The following MVB12B variants were observed in gnomAD, a reference collection of about 807,000 sequenced individuals.
MVB12B encodes the protein ESCRT-I complex subunit MVB12B.
A neutral mutation model predicts 41.6 loss-of-function variants in MVB12B; 16 were observed. The observed-to-expected ratio is 0.38, with a 90% CI of 0.26 to 0.58. The LOEUF (loss-of-function observed/expected upper bound fraction) is 0.58. Ranked by LOEUF, MVB12B falls within the 20% of genes least tolerant of loss-of-function variation. The probability of loss-of-function intolerance (pLI) is 0.62; values close to 1 mark genes in which losing one functional copy is unlikely to be tolerated. For missense variants in MVB12B, 274 were observed against 380.2 expected (o/e 0.72, Z 2.32); for synonymous variants, 133 against 139.7 (o/e 0.95, Z 0.34).
chr9:126,410,888 CTTTTT>C (rs770993852), intron 6 of MVB12B, among the ~76,000 whole-genome samples: 1 of 133,792 alleles, frequency 7.5e-6, no homozygotes, highest in Admixed American at 7.7e-5. Flanking sequence ...TTGGTTATTT[CTTTTT>C]TTTTTTTTTT....
At chr9:126,343,187 A>G (rs1260642606) in intron 2 of MVB12B, among the ~76,000 whole-genome samples, 2 of 152,158 alleles carry the variant, frequency 1.3e-5, no homozygotes, top group African/African-American at 4.8e-5. Context: ...ATTATTTGCT[A>G]AACTTCTCAA....
intron 9 of MVB12B, among the ~76,000 whole-genome samples, chr9:126,493,071 G>A (rs191986242): frequency 1.3e-5 from 2 of 152,214 alleles, no homozygotes; most frequent in South Asian, 2.1e-4. Flanking sequence ...TTTTCAGCTT[G>A]TAAATGATGT....
chr9:126,465,562 A>G (rs2119182462), intron 7 of MVB12B, among the ~76,000 whole-genome samples: 1 of 151,436 alleles, frequency 6.6e-6, no homozygotes, highest in East Asian at 2.0e-4. Context: ...TTACTTATTC[A>G]ATAGGTTTCT....
At position 126,376,727 on chromosome 9, in the gene MVB12B, C is replaced by A; in HGVS notation, c.205-4337C>A. 8.0e-7 allele frequency: 1 copy of A among 1,246,332 alleles called. No homozygotes were observed. Among genetic ancestry groups the A allele is most frequent in the Non-Finnish European group, 1.0e-6 (1 of 963,910 alleles). The allele number at this position is 1,246,332 out of a possible 1,614,324, so 77.2% of individuals were successfully genotyped here. On this transcript the variant is annotated intron_variant, in intron 2 of 9. Transcript: ENST00000361171. This position sits in a 1 kb window ranked among gnomAD's most constrained non-coding sequence, Gnocchi z 4.1. ...TTCCACTCTGAAGTTGCACCTCCTC[C>A]CCCACCTCCTCCTGACCTCCAGCCT...
Position 126,480,760 on chromosome 9 carries a change from C to T in MVB12B, c.758-609C>T, listed in dbSNP as rs574556150. 2.6e-5 allele frequency: 4 copies of T among 152,734 alleles called. No homozygotes were observed. Among genetic ancestry groups the T allele is most frequent in the Admixed American group, 2.0e-4 (3 of 15,336 alleles). The allele number at this position is 152,734 out of a possible 1,614,324, so 9.5% of individuals were successfully genotyped here. A position where few individuals can be genotyped will look rare whatever the true frequency, so the allele number is the denominator to read the frequency against. On this transcript the variant is annotated intron_variant, in intron 7 of 9. Coordinates refer to ENST00000361171, the MANE Select transcript of MVB12B (RefSeq NM_033446.3). This position sits in a 1 kb window ranked among gnomAD's most constrained non-coding sequence, Gnocchi z 4.9. ...GCGCTGGCCAGGTGCCCCACACACTCCACTTCTGATGCACAGGCACCCTGT... is the reference window on the plus strand; with the variant it reads ...GCGCTGGCCAGGTGCCCCACACACTTCACTTCTGATGCACAGGCACCCTGT...
At chr9:126,373,353 T>G (rs1024817508) in intron 2 of MVB12B, among the ~76,000 whole-genome samples, 2 of 152,248 alleles carry the variant, frequency 1.3e-5, no homozygotes, top group African/African-American at 4.8e-5. Context: ...CACGCTGCTC[T>G]TATTGAGTTT....
intron 2 of MVB12B, among the ~76,000 whole-genome samples, chr9:126,356,309 A>G (rs1014146551): frequency 6.6e-6 from 1 of 152,152 alleles, no homozygotes; most frequent in Non-Finnish European, 1.5e-5. Flanking sequence ...GAGTTTTCCT[A>G]TCTGGGAGCA....
intron 7 of MVB12B, among the ~76,000 whole-genome samples, chr9:126,466,870 C>T (rs999577923): frequency 1.3e-5 from 2 of 152,086 alleles, no homozygotes; most frequent in African/African-American, 4.8e-5. Flanking sequence ...CTCTATCGCC[C>T]AGGCTGGAGT....
intron 7 of MVB12B, among the ~76,000 whole-genome samples, chr9:126,461,471 T>C (rs1833088034): frequency 2.0e-5 from 3 of 152,214 alleles, no homozygotes; most frequent in Non-Finnish European, 2.9e-5. Flanking sequence ...CTCGCCTATC[T>C]CAAGGCTTGA....
chr9:126,400,989 C>G (rs1005384579), intron 6 of MVB12B, among the ~76,000 whole-genome samples: 1 of 152,156 alleles, frequency 6.6e-6, no homozygotes, highest in African/African-American at 2.4e-5. Flanking sequence ...TGCGGGGGCT[C>G]TCCTAGAAAA....
intron 6 of MVB12B, among the ~76,000 whole-genome samples, chr9:126,399,395 A>C (rs1378289898): frequency 6.6e-6 from 1 of 152,218 alleles, no homozygotes; most frequent in East Asian, 1.9e-4. Context: ...ACGGAGGCAC[A>C]GTCCCATCTC....
At position 126,395,894 on chromosome 9, in the gene MVB12B, A is replaced by G; in HGVS notation, c.662+197A>G. The stretch of plus-strand genomic sequence containing the variant: ...ATTACATGAATGCAAAGGCCATTCT[A>G]TAGTCTATTTTGTGCGTGTTCTGCA... On this transcript the variant is annotated intron_variant, in intron 6 of 9. Transcript: ENST00000361171. The surrounding 1 kb of genome is among the most constrained non-coding windows in gnomAD (Gnocchi z 4.9). 5.0e-6 allele frequency: 7 copies of G among 1,403,374 alleles called. No homozygotes were observed. Among genetic ancestry groups the G allele is most frequent in the South Asian group, 1.6e-5 (1 of 62,294 alleles). The allele number at this position is 1,403,374 out of a possible 1,614,324, so 86.9% of individuals were successfully genotyped here. A position where few individuals can be genotyped will look rare whatever the true frequency, so the allele number is the denominator to read the frequency against.
intron 2 of MVB12B, among the ~76,000 whole-genome samples, chr9:126,378,643 T>G (rs1830552522): frequency 6.6e-6 from 1 of 152,048 alleles, no homozygotes; most frequent in Non-Finnish European, 1.5e-5. Flanking sequence ...TCTCTCTCTC[T>G]CTCTCTCTCT....
rs1293358607 is a variant in MVB12B, at chr9:126,481,403, G to A, written c.792G>A (p.Lys264=). The change falls in exon 8 of 10, where the codon AAG becomes AAA. Residue 264 remains lysine, a synonymous_variant. Coordinates refer to ENST00000361171, the MANE Select transcript of MVB12B (RefSeq NM_033446.3). ...MDGVPFMISE[K]FSCVPESMQP... Reference sequence around the variant, plus strand: ...GTGTGCCTTTTATGATTTCAGAGAAGTTTTCTTGTGTTCCAGAAAGTGTAA... The same window carrying A: ...GTGTGCCTTTTATGATTTCAGAGAAATTTTCTTGTGTTCCAGAAAGTGTAA... The A allele has an allele frequency of 6.2e-7, 1 of 1,613,746 alleles. No individual in the cohort carries two copies. Among genetic ancestry groups the A allele is most frequent in the Non-Finnish European group, 8.5e-7 (1 of 1,179,760 alleles).
In MVB12B at chr9:126,446,654, A is replaced by G. The variant is rs1832775792; in HGVS notation, c.757+24706A>G. ...TACTTTTTCTTGAGCCAGTTTTATC[A>G]TGTGTATTTTTTTAAAGAAAATATA... On this transcript the variant is annotated intron_variant, in intron 7 of 9. Coordinates refer to ENST00000361171, the MANE Select transcript of MVB12B (RefSeq NM_033446.3). Among the ~76,000 whole-genome samples, 4 of 151,938 alleles carry G rather than the reference A, an allele frequency of 2.6e-5. No homozygotes were observed. In the South Asian group the frequency reaches 8.3e-4, roughly 32 times the overall value.
At chr9:126,425,790 C>T (rs1832159633) in intron 7 of MVB12B, among the ~76,000 whole-genome samples, 1 of 152,110 alleles carries the variant, frequency 6.6e-6, no homozygotes, top group South Asian at 2.1e-4. Flanking sequence ...TCTTCATGTC[C>T]CCCATCAGTG....
intron 7 of MVB12B, among the ~76,000 whole-genome samples, chr9:126,461,160 G>C (rs138596841): frequency 6.6e-6 from 1 of 152,276 alleles, no homozygotes; most frequent in Non-Finnish European, 1.5e-5. Flanking sequence ...TTCATTTTCC[G>C]TGGAGGCCAG....
In MVB12B at chr9:126,386,429, C is replaced by T; in HGVS notation, c.313-133C>T. 1.6e-6 allele frequency: 1 copy of T among 636,774 alleles called. No homozygotes were observed. The highest frequency in any genetic ancestry group is 1.8e-5 in the South Asian group (1 of 55,126). The allele number at this position is 636,774 out of a possible 1,614,324, so 39.4% of individuals were successfully genotyped here. ...AACCACTGGGGACCATTAAGTGTCACCTACTCTAATTAACCTGCTGTCATA... is the reference window on the plus strand; with the variant it reads ...AACCACTGGGGACCATTAAGTGTCATCTACTCTAATTAACCTGCTGTCATA... On this transcript the variant is annotated intron_variant, in intron 3 of 9. Transcript: ENST00000361171. The surrounding 1 kb of genome is among the most constrained non-coding windows in gnomAD (Gnocchi z 4.3).
In MVB12B at chr9:126,392,020, G is replaced by A. The variant is rs1266317630; in HGVS notation, c.410-46G>A. ...ATGTGGTTTTCAGAATAGAGATTCT[G>A]GTATCTCTGGAAAACTCATACCTTT... On this transcript the variant is annotated intron_variant, in intron 4 of 9. Coordinates refer to ENST00000361171, the MANE Select transcript of MVB12B (RefSeq NM_033446.3). This position sits in a 1 kb window ranked among gnomAD's most constrained non-coding sequence, Gnocchi z 4.8. The A allele has an allele frequency of 1.2e-6, 2 of 1,605,010 alleles. No homozygotes were observed. Among genetic ancestry groups the A allele is most frequent in the Admixed American group, 3.3e-5 (2 of 59,932 alleles).
Sources: gnomAD v4.1 joint callset for allele counts (sites outside exome capture counted in the v4.1 genomes callset) on GRCh38, gnomAD v4.1.1 for gene constraint, Gnocchi (gnomAD v3.1) non-coding constraint, MANE v1.5 for transcripts, NCBI Gene and HGNC (gene_info 2026-07-23, HGNC 2026-07-21) for gene names.